The following SYCP1 variants were observed in gnomAD, a reference collection of about 807,000 sequenced individuals.
The protein encoded by SYCP1 is cancer/testis antigen 8.
Under a neutral mutation model 153.1 loss-of-function variants are expected in SYCP1, and 64 were observed. The observed-to-expected ratio is 0.42, with a 90% CI of 0.34 to 0.51. The LOEUF is 0.51. Among genes scored for constraint, SYCP1 ranks in the 20% least tolerant of loss-of-function variants. The pLI, the probability that SYCP1 is intolerant of heterozygous loss-of-function variation, is 0.06. For missense variants in SYCP1, 997 were observed against 1,049.0 expected (o/e 0.95, Z 0.68); for synonymous variants, 384 against 341.8 (o/e 1.12, Z -1.36).
intron 8 of SYCP1, among the ~76,000 whole-genome samples, chr1:114,870,181 T>C (rs898485211): frequency 2.0e-5 from 3 of 152,032 alleles, no homozygotes; most frequent in African/African-American, 7.2e-5. Context: ...TCCTGGCTAA[T>C]TTTTCTATTT....
At chr1:114,861,460 C>A (rs1664370270) in intron 8 of SYCP1, among the ~76,000 whole-genome samples, 1 of 152,126 alleles carries the variant, frequency 6.6e-6, no homozygotes, top group Admixed American at 6.6e-5. Context: ...TTGGGAAATA[C>A]TGTCTACCTG....
intron 8 of SYCP1, among the ~76,000 whole-genome samples, chr1:114,861,334 T>G (rs967254186): frequency 6.6e-6 from 1 of 152,182 alleles, no homozygotes; most frequent in African/African-American, 2.4e-5. Flanking sequence ...TTTTTTAAAT[T>G]ATAAAGTAGG....
chr1:114,994,190 A>G (rs745963679), intron 30 of SYCP1, among the ~76,000 whole-genome samples: 1 of 151,430 alleles, frequency 6.6e-6, no homozygotes, highest in Non-Finnish European at 1.5e-5. Context: ...ACATGGGTGT[A>G]CAATTATCTC....
chr1:114,920,983 T>C (rs376638888), intron 20 of SYCP1, among the ~76,000 whole-genome samples: 12 of 152,184 alleles, frequency 7.9e-5, no homozygotes, highest in African/African-American at 2.9e-4. Context: ...ACATTCAATG[T>C]TATTATTGAT....
At chr1:114,878,295 T>G in intron 12 of SYCP1, 93 bp downstream of exon 12, 1 of 825,366 alleles carries the variant, frequency 1.2e-6, no homozygotes, top group South Asian at 1.6e-5. Flanking sequence ...GTTGTAATGC[T>G]TTCTAGTACT....
intron 16 of SYCP1, among the ~76,000 whole-genome samples, chr1:114,902,814 A>C (rs1667558665): frequency 2.8e-5 from 4 of 142,624 alleles, no homozygotes; most frequent in African/African-American, 1.2e-4. Context: ...TGGAAAAAAT[A>C]ATTGTACATA....
At chr1:114,932,028 C>A (rs1417955038) in intron 23 of SYCP1, among the ~76,000 whole-genome samples, 2 of 152,072 alleles carry the variant, frequency 1.3e-5, no homozygotes, top group Non-Finnish European at 2.9e-5. Flanking sequence ...AAAAAACAAA[C>A]CTTGACCCTT....
intron 26 of SYCP1, 54 bp from the exon 27 acceptor site, chr1:114,947,192 T>C: frequency 1.5e-6 from 2 of 1,301,606 alleles, no homozygotes; most frequent in Non-Finnish European, 2.2e-6. Context: ...ATATTTTCAT[T>C]GTCTTGAGAA....
At chr1:114,925,886 A>G (rs924578921) in intron 21 of SYCP1, among the ~76,000 whole-genome samples, 1 of 152,116 alleles carries the variant, frequency 6.6e-6, no homozygotes, top group African/African-American at 2.4e-5. Context: ...ATACAAAGTG[A>G]TGTTTTGATA....
At chr1:114,958,879 G>A (rs1313355406) in intron 27 of SYCP1, among the ~76,000 whole-genome samples, 7 of 148,616 alleles carry the variant, frequency 4.7e-5, no homozygotes, top group Middle Eastern at 3.5e-3. Flanking sequence ...GCAGTGAGCC[G>A]AGATTGTGCC....
Position 114,886,264 on chromosome 1 carries a change from C to T in SYCP1, c.1145C>T (p.Thr382Ile), listed in dbSNP as rs1484157365. 1.2e-6 allele frequency: 2 copies of T among 1,604,740 alleles called. No homozygotes were observed. The highest frequency in any genetic ancestry group is 1.7e-6 in the Non-Finnish European group (2 of 1,176,234). Residue 382 changes from threonine to isoleucine, a missense_variant, in exon 14 of 32, where the codon ACT (threonine) becomes ATT (isoleucine). By Grantham distance (89) the Thr-to-Ile change is moderately conservative (BLOSUM62 -1). Coordinates refer to ENST00000369522, the MANE Select transcript of SYCP1 (RefSeq NM_003176.4). ...TCGTTTGTGGTTACTGAATTTGAAA[C>T]TACTGTCTGCAGCTTGGAAGAATTA... Reference protein sequence around the residue: ...AHSFVVTEFETTVCSLEELLR... With the variant: ...AHSFVVTEFEITVCSLEELLR...
At position 114,952,411 on chromosome 1, in the gene SYCP1, G is replaced by A. The variant is rs1671166906; in HGVS notation, c.2322+5091G>A. On this transcript the variant is annotated intron_variant, in intron 27 of 31. Transcript: ENST00000369522. ...TTGCGTTTTTCTGCTGTTGAACAGT[G>A]TATTAGTCTATTCTCATGCTGCCAA... Among the ~76,000 whole-genome samples the A allele has an allele frequency of 2.6e-5, 4 of 152,122 alleles. No homozygotes were observed. In the South Asian group the frequency reaches 8.3e-4, roughly 31 times the overall value.
chr1:114,857,431 T>C lies in SYCP1; in HGVS notation c.238-13T>C. On this transcript the variant is annotated splice_polypyrimidine_tract_variant and intron_variant, in intron 4 of 31. Coordinates refer to ENST00000369522, the MANE Select transcript of SYCP1 (RefSeq NM_003176.4). ...TCAGAAGTATTTTCTTATAGAAACATCTATCTTTTTAGGTTGGTAATTCTG... is the reference window on the plus strand; with the variant it reads ...TCAGAAGTATTTTCTTATAGAAACACCTATCTTTTTAGGTTGGTAATTCTG... 8 of 1,593,858 alleles carry C rather than the reference T, an allele frequency of 5.0e-6. No homozygotes were observed. The highest frequency in any genetic ancestry group is 6.0e-6 in the Non-Finnish European group (7 of 1,169,452).
intron 12 of SYCP1, among the ~76,000 whole-genome samples, chr1:114,882,140 G>A (rs1363635883): frequency 6.6e-6 from 1 of 152,074 alleles, no homozygotes; most frequent in East Asian, 1.9e-4. Context: ...AGCTATGATT[G>A]CTCCATTGCA....
chr1:114,971,608 C>T (rs1672493540), intron 27 of SYCP1, among the ~76,000 whole-genome samples: 1 of 152,104 alleles, frequency 6.6e-6, no homozygotes, highest in South Asian at 2.1e-4. Flanking sequence ...AGATACATTC[C>T]TTCTATACCC....
chr1:114,943,126 G>A (rs1333287636), intron 23 of SYCP1, among the ~76,000 whole-genome samples: 1 of 151,926 alleles, frequency 6.6e-6, no homozygotes, highest in East Asian at 1.9e-4. Flanking sequence ...AAGTTGTGAA[G>A]CAGGAAAAGT....
At chr1:114,979,822 G>T (rs965017214) in intron 28 of SYCP1, among the ~76,000 whole-genome samples, 2 of 151,796 alleles carry the variant, frequency 1.3e-5, no homozygotes, top group African/African-American at 2.4e-5. Flanking sequence ...GATACTTGAA[G>T]ATTTACTTAA....
intron 30 of SYCP1, among the ~76,000 whole-genome samples, chr1:114,992,488 C>A (rs753444194): frequency 1.2e-4 from 18 of 151,508 alleles, no homozygotes; most frequent in Non-Finnish European, 3.0e-5. Flanking sequence ...AGAGATAAAC[C>A]CTCACATACA....
At chr1:114,913,008 T>C in intron 18 of SYCP1, 25 bp from the exon 19 acceptor site, 3 of 1,505,244 alleles carry the variant, frequency 2.0e-6, no homozygotes, top group Non-Finnish European at 2.7e-6. Context: ...AATATTTTGG[T>C]ATGACTTTTT....
Sources: allele counts gnomAD v4.1 joint callset (sites outside exome capture counted in the v4.1 genomes callset), GRCh38; gene constraint gnomAD v4.1.1; transcripts MANE v1.5; gene names NCBI Gene and HGNC (gene_info 2026-07-23, HGNC 2026-07-21).